The following JAZF1 variants were observed in gnomAD, a reference collection of about 807,000 sequenced individuals.
The protein encoded by JAZF1 is juxtaposed with another zinc finger protein 1.
Under a neutral mutation model 26.4 loss-of-function variants are expected in JAZF1, and 8 were observed. The ratio of observed to expected loss-of-function variants is 0.30; its 90% CI spans 0.18 to 0.55. The LOEUF is 0.55. Ranked by LOEUF, JAZF1 falls within the 20% of genes least tolerant of loss-of-function variation. JAZF1 has a pLI of 0.94. For missense variants in JAZF1, 199 were observed against 322.0 expected, an observed-to-expected ratio of 0.62 and a Z score of 2.92; for synonymous variants, 126 against 122.3, an observed-to-expected ratio of 1.03 and a Z score of -0.20.
At chr7:27,951,891 G>C (rs1050653848) in intron 2 of JAZF1, among the ~76,000 whole-genome samples, 7 of 152,146 alleles carry the variant, frequency 4.6e-5, no homozygotes, top group Non-Finnish European at 8.8e-5. Context: ...TCCTCAGATT[G>C]AATTACTGAG....
At chr7:27,906,258 C>T (rs1008428576) in intron 2 of JAZF1, among the ~76,000 whole-genome samples, 4 of 128,924 alleles carry the variant, frequency 3.1e-5, no homozygotes, top group Admixed American at 2.5e-4. Flanking sequence ...CTGGATGCCC[C>T]CGTTCCCTGG....
At chr7:27,913,374 A>G (rs1214191775) in intron 2 of JAZF1, 3 of 459,436 alleles carry the variant, frequency 6.5e-6, no homozygotes, top group Admixed American at 4.9e-5. Context: ...AAACAACAAA[A>G]GAACCAGAAG....
chr7:27,912,522 T>A (rs2128345700), intron 2 of JAZF1, among the ~76,000 whole-genome samples: 1 of 151,686 alleles, frequency 6.6e-6, no homozygotes, highest in South Asian at 2.1e-4. Context: ...CAGAAGAAAA[T>A]TTTTCACCCA....
At chr7:28,057,418 T>C (rs1465440771) in intron 1 of JAZF1, among the ~76,000 whole-genome samples, 2 of 152,178 alleles carry the variant, frequency 1.3e-5, no homozygotes, top group African/African-American at 2.4e-5. Context: ...ACTGACCACT[T>C]AATATTGTGC....
At chr7:27,890,923 G>A (rs550962453) in intron 3 of JAZF1, among the ~76,000 whole-genome samples, 1 of 151,704 alleles carries the variant, frequency 6.6e-6, no homozygotes, top group East Asian at 1.9e-4. Context: ...CCAAGTAGCT[G>A]GGATTACAGG....
chr7:27,862,033 G>A (rs1157762039), intron 3 of JAZF1, among the ~76,000 whole-genome samples: 1 of 152,214 alleles, frequency 6.6e-6, no homozygotes, highest in Non-Finnish European at 1.5e-5. Context: ...TCACGGGAGG[G>A]ATGGCAGCTG....
chr7:28,111,791 A>G (rs1784665026), intron 1 of JAZF1, among the ~76,000 whole-genome samples: 2 of 152,182 alleles, frequency 1.3e-5, no homozygotes, highest in Admixed American at 1.3e-4. Flanking sequence ...TGCAGCATGC[A>G]TGCATGTGCA....
intron 2 of JAZF1, among the ~76,000 whole-genome samples, chr7:27,914,399 G>A (rs907805594): frequency 6.6e-6 from 1 of 152,174 alleles, no homozygotes; most frequent in African/African-American, 2.4e-5. Context: ...CGTGAGGCCC[G>A]AAGCAGAAGA....
chr7:28,017,869 G>A (rs1461415267), intron 1 of JAZF1, among the ~76,000 whole-genome samples: 7 of 152,240 alleles, frequency 4.6e-5, no homozygotes, highest in Admixed American at 4.6e-4. Flanking sequence ...CACCTCCGGG[G>A]TTCAAGCGAT....
intron 2 of JAZF1, among the ~76,000 whole-genome samples, chr7:27,909,311 G>T (rs776549451): frequency 1.8e-4 from 28 of 152,130 alleles, no homozygotes; most frequent in Non-Finnish European, 3.5e-4. Context: ...AAATATACTT[G>T]GTAAACTGTG....
intron 1 of JAZF1, among the ~76,000 whole-genome samples, chr7:28,072,729 A>G (rs886201711): frequency 7.2e-5 from 11 of 152,220 alleles, no homozygotes; most frequent in Non-Finnish European, 1.6e-4. Context: ...AGTTGTTTCA[A>G]AAGTTGGGAT....
chr7:28,088,676 A>G (rs1028416573), intron 1 of JAZF1, among the ~76,000 whole-genome samples: 1 of 152,200 alleles, frequency 6.6e-6, no homozygotes, highest in African/African-American at 2.4e-5. Flanking sequence ...GCCTGTCTCC[A>G]TTCCCAAGGA....
intron 1 of JAZF1, among the ~76,000 whole-genome samples, chr7:28,176,818 A>C (rs1350034858): frequency 6.6e-6 from 1 of 152,180 alleles, no homozygotes; most frequent in Non-Finnish European, 1.5e-5. Flanking sequence ...ATACGATTTC[A>C]TAGCACTGGG....
At chr7:28,013,103 C>T (rs554499216) in intron 1 of JAZF1, among the ~76,000 whole-genome samples, 39 of 152,224 alleles carry the variant, frequency 2.6e-4, no homozygotes, top group Admixed American at 1.7e-3. Flanking sequence ...TTGCTATAGC[C>T]CCAGTGATTC....
At chr7:27,977,547 T>C (rs1321028622) in intron 2 of JAZF1, among the ~76,000 whole-genome samples, 2 of 152,202 alleles carry the variant, frequency 1.3e-5, no homozygotes, top group Non-Finnish European at 2.9e-5. Context: ...GAGTGCAACA[T>C]GGTTTCTCTG....
intron 1 of JAZF1, among the ~76,000 whole-genome samples, chr7:28,016,214 T>C (rs1477951112): frequency 6.6e-6 from 1 of 152,194 alleles, no homozygotes; most frequent in Non-Finnish European, 1.5e-5. Flanking sequence ...TGGCTTCTGA[T>C]GGAGCAATGC....
intron 2 of JAZF1, among the ~76,000 whole-genome samples, chr7:27,958,502 C>G (rs1785137235): frequency 6.6e-6 from 1 of 152,188 alleles, no homozygotes; most frequent in African/African-American, 2.4e-5. Flanking sequence ...ACAGCAACCC[C>G]TAGTTTGTGT....
At chr7:27,915,181 A>T (rs1784426262) in intron 2 of JAZF1, among the ~76,000 whole-genome samples, 1 of 152,230 alleles carries the variant, frequency 6.6e-6, no homozygotes, top group South Asian at 2.1e-4. Flanking sequence ...GATTTTATTG[A>T]GTAATTATAA....
At chr7:27,847,649 A>G (rs1783055427) in intron 3 of JAZF1, among the ~76,000 whole-genome samples, 1 of 151,984 alleles carries the variant, frequency 6.6e-6, no homozygotes, top group Non-Finnish European at 1.5e-5. Context: ...ACAGTACCAT[A>G]CTGTTTTGAT....
Sources: allele counts gnomAD v4.1 joint callset (sites outside exome capture counted in the v4.1 genomes callset), GRCh38; gene constraint gnomAD v4.1.1; transcripts MANE v1.5; gene names NCBI Gene and HGNC (gene_info 2026-07-23, HGNC 2026-07-21).